RPS6KA2: variants seen among roughly 807,000 people sequenced by gnomAD.
RPS6KA2 encodes the protein ribosomal protein S6 kinase alpha-2.
Under a neutral mutation model 91.8 loss-of-function variants are expected in RPS6KA2, and 42 were observed. The observed-to-expected ratio is 0.46, with a 90% CI of 0.36 to 0.59. The LOEUF (loss-of-function observed/expected upper bound fraction) is 0.59. Among genes scored for constraint, RPS6KA2 ranks in the 20% least tolerant of loss-of-function variants. The pLI is 0.00. For synonymous variants in RPS6KA2, 414 were observed against 393.6 expected (o/e 1.05, Z -0.61); for missense variants, 798 against 978.5 (o/e 0.82, Z 2.46).
chr6:166,746,373 A>G (rs941531318), intron 2 of RPS6KA2, among the ~76,000 whole-genome samples: 66 of 152,150 alleles, frequency 4.3e-4, no homozygotes, highest in Non-Finnish European at 7.4e-5. Context: ...CACACAGTCA[A>G]CCCAACACTC....
At chr6:166,540,944 C>A (rs559648851) in intron 1 of RPS6KA2, among the ~76,000 whole-genome samples, 1 of 152,272 alleles carries the variant, frequency 6.6e-6, no homozygotes, top group East Asian at 1.9e-4. Flanking sequence ...CATTGACCTA[C>A]GAAAGGAAGA....
At chr6:166,707,449 G>A (rs1288288370) in intron 2 of RPS6KA2, among the ~76,000 whole-genome samples, 2 of 152,230 alleles carry the variant, frequency 1.3e-5, no homozygotes, top group South Asian at 2.1e-4. Context: ...TTTCAATGGA[G>A]CAGTGAGGAA....
At chr6:166,752,444 A>G (rs898226425) in intron 2 of RPS6KA2, among the ~76,000 whole-genome samples, 2 of 152,252 alleles carry the variant, frequency 1.3e-5, no homozygotes, top group African/African-American at 2.4e-5. Flanking sequence ...AGAAAGGCAG[A>G]GAGAGATTTT....
intron 2 of RPS6KA2, among the ~76,000 whole-genome samples, chr6:166,715,775 C>T (rs578238459): frequency 3.3e-5 from 5 of 152,250 alleles, no homozygotes; most frequent in Non-Finnish European, 7.4e-5. Flanking sequence ...TGGTGGCTCA[C>T]GCCTGTAATC....
intron 2 of RPS6KA2, among the ~76,000 whole-genome samples, chr6:166,798,657 T>C (rs1779284108): frequency 6.6e-6 from 1 of 152,164 alleles, no homozygotes; most frequent in East Asian, 1.9e-4. Context: ...ATGGCATAAG[T>C]ATTTTTAAAG....
chr6:166,752,772 CCT>C (rs1321726801), intron 2 of RPS6KA2, among the ~76,000 whole-genome samples: 1 of 152,188 alleles, frequency 6.6e-6, no homozygotes, highest in African/African-American at 2.4e-5. Context: ...AGCCTCTCCC[CCT>C]GACTCTCCCC....
chr6:166,702,349 G>A (rs1789549691), intron 2 of RPS6KA2: 6 of 1,611,696 alleles, frequency 3.7e-6, no homozygotes, highest in Non-Finnish European at 5.1e-6. Flanking sequence ...GGTTTTGCTG[G>A]GTGGCCATTT....
chr6:166,861,183 C>G (rs1781037831), intron 1 of RPS6KA2, among the ~76,000 whole-genome samples: 1 of 152,150 alleles, frequency 6.6e-6, no homozygotes, highest in African/African-American at 2.4e-5. Context: ...GTGACTATCT[C>G]AAGACGTACA....
intron 14 of RPS6KA2, among the ~76,000 whole-genome samples, chr6:166,443,093 A>C (rs73269295): frequency 0.037 from 5,681 of 152,314 alleles, 363 homozygotes; most frequent in African/African-American, 0.13. Flanking sequence ...TTATACAATT[A>C]TATACTGTAT....
chr6:166,790,930 C>G (rs1207509879), intron 2 of RPS6KA2, among the ~76,000 whole-genome samples: 8 of 152,292 alleles, frequency 5.3e-5, no homozygotes, highest in Middle Eastern at 3.4e-3. Context: ...TAAAGACCAT[C>G]AAGGCTAGGA....
chr6:166,611,239 T>C (rs1786160224), intron 1 of RPS6KA2, among the ~76,000 whole-genome samples: 1 of 152,250 alleles, frequency 6.6e-6, no homozygotes, highest in Non-Finnish European at 1.5e-5. Flanking sequence ...CATATAGCCA[T>C]TTAGCATAAT....
At chr6:166,721,937 TACC>T (rs1357380149) in intron 2 of RPS6KA2, among the ~76,000 whole-genome samples, 1 of 152,220 alleles carries the variant, frequency 6.6e-6, no homozygotes, top group Non-Finnish European at 1.5e-5. Flanking sequence ...CCGGCAGGGA[TACC>T]ACCATTTGTG....
intron 2 of RPS6KA2, among the ~76,000 whole-genome samples, chr6:166,804,608 C>T (rs1439476749): frequency 6.6e-6 from 1 of 151,198 alleles, no homozygotes; most frequent in Admixed American, 6.6e-5. Context: ...CTAGGCATTA[C>T]ATAGAGTATT....
intron 10 of RPS6KA2, among the ~76,000 whole-genome samples, chr6:166,483,167 T>C (rs1368218792): frequency 2.6e-5 from 4 of 152,218 alleles, no homozygotes; most frequent in African/African-American, 9.6e-5. Context: ...GACGTCTATG[T>C]GTGTGGGGAG....
chr6:166,563,599 GC>G lies in RPS6KA2; in HGVS notation c.100-24816del, dbSNP rs1156695212. ...CGCCCTCTCCCCTCCACACAGGGTAGCCCCCAACTCCAGCCAGAGGGAGCCA... is the reference window on the plus strand; with the variant it reads ...CGCCCTCTCCCCTCCACACAGGGTAGCCCCAACTCCAGCCAGAGGGAGCCA... On this transcript the variant is annotated intron_variant, in intron 1 of 20. Transcript: ENST00000265678. This position sits in a 1 kb window ranked among gnomAD's most constrained non-coding sequence, Gnocchi z 4.1. 6.7e-6 allele frequency among the ~76,000 whole-genome samples: 1 copy of G among 150,060 alleles called. No individual in the cohort carries two copies. The highest frequency in any genetic ancestry group is 2.0e-4 in the East Asian group (1 of 4,988).
At chr6:166,641,530 C>T (rs1397000910) in intron 2 of RPS6KA2, among the ~76,000 whole-genome samples, 2 of 151,372 alleles carry the variant, frequency 1.3e-5, no homozygotes, top group East Asian at 1.9e-4. Flanking sequence ...TCAAGACCAG[C>T]CTGGCCAACA....
In RPS6KA2 at chr6:166,430,548, C is replaced by T. The variant is rs747084939; in HGVS notation, c.1486G>A (p.Asp496Asn). 6 of 1,614,062 alleles carry T rather than the reference C, an allele frequency of 3.7e-6. No homozygotes were observed. The Admixed American group carries it at 5.0e-5, about 13-fold the overall frequency. The change falls in exon 16 of 21, where the codon GAC becomes AAC. Residue 496 changes from aspartate to asparagine, a missense_variant. By Grantham distance (23) the Asp-to-Asn change is conservative (BLOSUM62 1). Coordinates refer to ENST00000265678, the MANE Select transcript of RPS6KA2 (RefSeq NM_021135.6). ...AAGTATCTCTGCCGGAGGATGCGGT[C>T]CAGGAGCTCCCCACCACGCATCAGC... ...MELMRGGELLDRILRQRYFSE... is the reference protein window; with the variant it reads ...MELMRGGELLNRILRQRYFSE...
In RPS6KA2 at chr6:166,557,412, C is replaced by T. The variant is rs1784209293; in HGVS notation, c.100-18628G>A. 6.6e-6 allele frequency among the ~76,000 whole-genome samples: 1 copy of T among 152,270 alleles called. No homozygotes were observed. Among genetic ancestry groups the T allele is most frequent in the Non-Finnish European group, 1.5e-5 (1 of 68,054 alleles). ...GGGGTCACTCTGAAAATGAACTGTT[C>T]TCCCACTGAGCTGTGCCTCAACCCA... On this transcript the variant is annotated intron_variant, in intron 1 of 20. Coordinates refer to ENST00000265678, the MANE Select transcript of RPS6KA2 (RefSeq NM_021135.6). This position sits in a 1 kb window ranked among gnomAD's most constrained non-coding sequence, Gnocchi z 4.8.
At chr6:166,553,232 C>T (rs1784071860) in intron 1 of RPS6KA2, among the ~76,000 whole-genome samples, 1 of 152,212 alleles carries the variant, frequency 6.6e-6, no homozygotes, top group African/African-American at 2.4e-5. Flanking sequence ...AGATCCCCCA[C>T]CACAGCCTCC....
Sources: allele counts gnomAD v4.1 joint callset (sites outside exome capture counted in the v4.1 genomes callset), GRCh38; gene constraint gnomAD v4.1.1; non-coding constraint Gnocchi (gnomAD v3.1); transcripts MANE v1.5; gene names NCBI Gene and HGNC (gene_info 2026-07-23, HGNC 2026-07-21).